The following ZNF566 variants were observed in gnomAD, a reference collection of about 807,000 sequenced individuals.
The protein encoded by ZNF566 is zinc finger protein 566.
ZNF566 carries 27 observed loss-of-function variants against 32.8 expected under a neutral mutation model. The ratio of observed to expected loss-of-function variants is 0.82; its 90% CI spans 0.61 to 1.14. ZNF566 has a LOEUF of 1.14. Among genes scored for constraint, ZNF566 ranks in the 50% most tolerant of loss-of-function variants. ZNF566 has a pLI of 0.00. For missense variants in ZNF566, 402 were observed against 490.4 expected (o/e 0.82, Z 1.70); for synonymous variants, 154 against 159.5 (o/e 0.97, Z 0.26).
chr19:36,472,405 T>C (rs1044476918), intron 4 of ZNF566, among the ~76,000 whole-genome samples: 4 of 152,224 alleles, frequency 2.6e-5, no homozygotes, highest in Admixed American at 6.5e-5. Flanking sequence ...AGTTCTGAAA[T>C]TGCTTATTCC....
intron 1 of ZNF566, among the ~76,000 whole-genome samples, chr19:36,489,241 G>A (rs1193287748): frequency 2.0e-5 from 3 of 152,230 alleles, no homozygotes; most frequent in African/African-American, 7.2e-5. Context: ...ACACAATGCC[G>A]CACGTGGTCC....
chr19:36,462,956 CAAAAAAAA>C (rs755283751), intron 4 of ZNF566, among the ~76,000 whole-genome samples: 66 of 38,558 alleles, frequency 1.7e-3, no homozygotes, highest in Non-Finnish European at 2.5e-3. Context: ...GACTCTGTCT[CAAAAAAAA>C]AAAAAAAAAA....
intron 4 of ZNF566, among the ~76,000 whole-genome samples, chr19:36,456,815 C>A (rs1276996576): frequency 6.6e-6 from 1 of 151,816 alleles, no homozygotes; most frequent in Non-Finnish European, 1.5e-5. Flanking sequence ...AATGTCCATA[C>A]TACCCAAAGC....
rs1337236097 is a variant in ZNF566, at chr19:36,473,461, G to A, written c.10-3C>T. The A allele has an allele frequency of 1.9e-6, 3 of 1,578,070 alleles. No homozygotes were observed. Among genetic ancestry groups the A allele is most frequent in the East Asian group, 2.3e-5 (1 of 44,010 alleles). On this transcript the variant is annotated splice_region_variant and splice_polypyrimidine_tract_variant and intron_variant, in intron 2 of 4. Transcript: ENST00000452939. ...ACATCACTGAACATCACTGACTCCT[G>A]GAACAATAACCACGTATATGACTTC...
chr19:36,461,277 A>T (rs1001639983), intron 4 of ZNF566, among the ~76,000 whole-genome samples: 2 of 152,198 alleles, frequency 1.3e-5, no homozygotes, highest in African/African-American at 4.8e-5. Flanking sequence ...GGCAGCACCA[A>T]ACACAAACAT....
chr19:36,460,671 A>C (rs1198199419), intron 4 of ZNF566, among the ~76,000 whole-genome samples: 1 of 152,166 alleles, frequency 6.6e-6, no homozygotes, highest in Admixed American at 6.5e-5. Context: ...AAAACTTACA[A>C]ATTTTGTGAA....
intron 4 of ZNF566, among the ~76,000 whole-genome samples, chr19:36,451,220 G>A (rs191484046): frequency 5.5e-4 from 83 of 152,240 alleles, no homozygotes; most frequent in African/African-American, 1.9e-3. Context: ...AGGAGGGCCA[G>A]AGCACTTTAA....
chr19:36,469,159 G>A (rs1165739189), intron 4 of ZNF566, among the ~76,000 whole-genome samples: 1 of 151,774 alleles, frequency 6.6e-6, no homozygotes, highest in Non-Finnish European at 1.5e-5. Flanking sequence ...TTGCATTAAG[G>A]TTATATAAGG....
rs2033802889 is a variant in ZNF566 at position 36,472,976 on chromosome 19, G to T, written c.167C>A (p.Ser56Tyr). 6.2e-7 allele frequency: 1 copy of T among 1,613,866 alleles called. No homozygotes were observed. ...GGGCTCCTTCCCTTGCTCCAAGTAGGAGATCACATTTGGTTTAGAAATAGA... is the reference window on the plus strand; with the variant it reads ...GGGCTCCTTCCCTTGCTCCAAGTAGTAGATCACATTTGGTTTAGAAATAGA... ...GHSISKPNVI[S>Y]YLEQGKEPWL... Residue 56 changes from serine to tyrosine, a missense_variant, in exon 4 of 5, where the codon TCC becomes TAC. This residue lies in a region of ZNF566 where 220 missense variants were observed against 241.9 expected (regional missense o/e 0.91). Coordinates refer to ENST00000452939, the MANE Select transcript of ZNF566 (RefSeq NM_001145344.1).
rs1188757196 is a variant in ZNF566 at position 36,447,526 on chromosome 19, C to T, written c.*1451G>A. On this transcript the variant is annotated 3_prime_UTR_variant, in exon 5 of 5. Transcript: ENST00000452939. Reference sequence around the variant, plus strand: ...AAACCATTTTGTTTAAATTTTCAAACATATTAGAAAAAAGCATAATATTCA... The same window carrying T: ...AAACCATTTTGTTTAAATTTTCAAATATATTAGAAAAAAGCATAATATTCA... The T allele has an allele frequency of 2.0e-5, 3 of 152,068 alleles. No individual in the cohort carries two copies. The highest frequency in any genetic ancestry group is 7.2e-5 in the African/African-American group (3 of 41,410). 9.4% of individuals were successfully genotyped at this position (152,068 alleles called of 1,614,324 possible). A position where few individuals can be genotyped will look rare whatever the true frequency, so the allele number is the denominator to read the frequency against.
At chr19:36,471,694 T>C (rs907795351) in intron 4 of ZNF566, among the ~76,000 whole-genome samples, 1 of 152,086 alleles carries the variant, frequency 6.6e-6, no homozygotes, top group Non-Finnish European at 1.5e-5. Context: ...TCTATTTTCA[T>C]GTCTCTCCCT....
chr19:36,477,916 A>G lies in ZNF566; in HGVS notation c.-59-1300T>C, dbSNP rs184384911. Among the ~76,000 whole-genome samples the G allele has an allele frequency of 1.1e-3, 164 of 152,278 alleles. 1 individual carries two copies. The highest frequency in any genetic ancestry group is 3.4e-3 in the Middle Eastern group (1 of 294). On this transcript the variant is annotated intron_variant, in intron 1 of 4. Transcript: ENST00000452939. ...AAGGAAGACTACATTGTTTAAGGGG[A>G]AGAACTGAATTAGTGATCAATGTTT... is the stretch of plus-strand genomic sequence containing the variant.
chr19:36,481,499 A>C (rs1270868760), intron 1 of ZNF566, among the ~76,000 whole-genome samples: 2 of 151,348 alleles, frequency 1.3e-5, no homozygotes, highest in African/African-American at 2.4e-5. Context: ...AAAAAAAGAA[A>C]AGAACACTGA....
chr19:36,488,447 A>G (rs1402313377), intron 1 of ZNF566, among the ~76,000 whole-genome samples: 3 of 152,172 alleles, frequency 2.0e-5, no homozygotes, highest in East Asian at 3.9e-4. Flanking sequence ...ATATGGAGCA[A>G]TAAGATATTT....
At chr19:36,489,128 C>T (rs1485503540) in intron 1 of ZNF566, among the ~76,000 whole-genome samples, 1 of 152,178 alleles carries the variant, frequency 6.6e-6, no homozygotes, top group Non-Finnish European at 1.5e-5. Context: ...CAGGTATCCC[C>T]ACCTGAACTC....
At position 36,487,283 on chromosome 19, in the gene ZNF566, G is replaced by A. The variant is rs546491092; in HGVS notation, c.-60+2203C>T. ...ACTGGAACAACCACATGAGAGCTTCGTAGTATCTATTAAACATTAGCCTAC... is the reference window on the plus strand; with the variant it reads ...ACTGGAACAACCACATGAGAGCTTCATAGTATCTATTAAACATTAGCCTAC... On this transcript the variant is annotated intron_variant, in intron 1 of 4. Coordinates refer to ENST00000452939, the MANE Select transcript of ZNF566 (RefSeq NM_001145344.1). Among the ~76,000 whole-genome samples the A allele has an allele frequency of 1.1e-3, 171 of 152,144 alleles. 1 individual carries two copies. Among genetic ancestry groups the A allele is most frequent in the African/African-American group, 3.9e-3 (162 of 41,508 alleles).
At chr19:36,454,410 C>T (rs1334203612) in intron 4 of ZNF566, among the ~76,000 whole-genome samples, 4 of 151,936 alleles carry the variant, frequency 2.6e-5, no homozygotes, top group African/African-American at 7.2e-5. Context: ...AGGATTAGCT[C>T]GGCAGAGGGG....
intron 4 of ZNF566, among the ~76,000 whole-genome samples, chr19:36,455,242 C>T (rs1046210016): frequency 3.9e-5 from 6 of 152,096 alleles, no homozygotes; most frequent in African/African-American, 1.4e-4. Flanking sequence ...ATATGACAAA[C>T]CTATAGCTAA....
intron 4 of ZNF566, among the ~76,000 whole-genome samples, chr19:36,459,046 A>G (rs1466074464): frequency 1.3e-5 from 2 of 151,796 alleles, no homozygotes; most frequent in East Asian, 3.9e-4. Flanking sequence ...TTTGCCAAAT[A>G]TACCTCAATA....
Sources: allele counts gnomAD v4.1 joint callset (sites outside exome capture counted in the v4.1 genomes callset), GRCh38; gene constraint gnomAD v4.1.1; regional missense constraint gnomAD v4.1.1; transcripts MANE v1.5; gene names NCBI Gene and HGNC (gene_info 2026-07-23, HGNC 2026-07-21).